The following NUP205 variants were observed in gnomAD, a reference collection of about 807,000 sequenced individuals.
NUP205 encodes the protein nuclear pore complex protein Nup205.
NUP205 carries 76 observed loss-of-function variants against 253.8 expected under a neutral mutation model. The observed-to-expected ratio is 0.30, with a 90% CI of 0.25 to 0.36. NUP205 has a LOEUF of 0.36. Among genes scored for constraint, NUP205 ranks in the 10% least tolerant of loss-of-function variants. The pLI is 1.00. For synonymous variants in NUP205, 832 were observed against 850.1 expected, an observed-to-expected ratio of 0.98 and a Z score of 0.37; for missense variants, 2,162 against 2,425.5, an observed-to-expected ratio of 0.89 and a Z score of 2.28.
intron 22 of NUP205, among the ~76,000 whole-genome samples, chr7:135,609,224 C>T (rs1264598149): frequency 6.6e-6 from 1 of 151,132 alleles, no homozygotes; most frequent in Admixed American, 6.6e-5. Flanking sequence ...ATCAGGAGAT[C>T]AAGACCATCC....
intron 14 of NUP205, 49 bp from the exon 15 acceptor site, chr7:135,597,949 C>A: frequency 7.0e-7 from 1 of 1,427,434 alleles, no homozygotes; most frequent in Non-Finnish European, 9.9e-7. Flanking sequence ...CTCTTCACTT[C>A]ATAGCTAATA....
Position 135,601,397 on chromosome 7 carries a change from C to T in NUP205, c.2402C>T (p.Pro801Leu), listed in dbSNP as rs755524949. Residue 801 changes from proline to leucine, a missense_variant, in exon 17 of 43, where the codon CCT becomes CTT. Physicochemically the swap from Pro to Leu is moderately conservative, Grantham distance 98. This residue lies in a region of NUP205 where 892 missense variants were observed against 957.1 expected (regional missense o/e 0.93). Transcript: ENST00000285968. ...QGEEIIAYKP[P>L]GFSLMYHLLN... is the part of the protein sequence containing the mutation. ...GAAGAAATCATAGCCTATAAGCCAC[C>T]TGGATTTAGTCTGATGTATCATCTG... 2.5e-6 allele frequency: 4 copies of T among 1,613,426 alleles called. No homozygotes were observed. The highest frequency in any genetic ancestry group is 3.4e-6 in the Non-Finnish European group (4 of 1,179,646).
chr7:135,643,097 A>C, intron 38 of NUP205, 95 bp from the exon 39 acceptor site: 2 of 1,203,872 alleles, frequency 1.7e-6, no homozygotes, highest in African/African-American at 1.5e-5. Context: ...CATGTCCTTA[A>C]ATTCTGGGGC....
Position 135,567,119 on chromosome 7 carries a change from T to C in NUP205, c.29-3986T>C, listed in dbSNP as rs1410548576. On this transcript the variant is annotated intron_variant, in intron 1 of 42. Transcript: ENST00000285968. ...TTGGGATTCTGTCTGTCTTGCTCAG[T>C]CTATGTGTGTATATATATATATATA... Among the ~76,000 whole-genome samples, 4 of 5,620 alleles carry C rather than the reference T, an allele frequency of 7.1e-4. No homozygotes were observed. In the East Asian group the frequency reaches 0.014, roughly 20 times the overall value. The allele number at this position is 5,620 out of a possible 152,430, so 3.7% of individuals were successfully genotyped here.
At position 135,626,265 on chromosome 7, in the gene NUP205, T is replaced by C; in HGVS notation, c.4697T>C (p.Ile1566Thr). The change falls in exon 33 of 43, where the codon ATA becomes ACA. Residue 1566 changes from isoleucine (I) to threonine (T), a missense_variant. Around this residue, in one of 5 missense-constraint regions of NUP205, gnomAD observed 1,144 missense variants for 1,280.9 expected, o/e 0.89. Coordinates refer to ENST00000285968, the MANE Select transcript of NUP205 (RefSeq NM_015135.3). ...KMAFLTRVAKIQQGALELLRS... is the reference protein window; with the variant it reads ...KMAFLTRVAKTQQGALELLRS... ...GCATTTCTCACAAGAGTGGCAAAGA[T>C]ACAGCAGGGTGCATTAGAGCTGCTA... is the stretch of plus-strand genomic sequence containing the variant. The C allele has an allele frequency of 6.2e-7, 1 of 1,614,154 alleles. No homozygotes were observed. The highest frequency in any genetic ancestry group is 8.5e-7 in the Non-Finnish European group (1 of 1,180,018).
At position 135,625,218 on chromosome 7, in the gene NUP205, T is replaced by C. The variant is rs1350101958; in HGVS notation, c.4534T>C (p.Trp1512Arg). ...RIVSVDKQQQ[W>R]LLYLSNSGYL... ...TGTCTCCGTGGATAAACAGCAGCAG[T>C]GGCTTTTGTATCTTTCTAACAGTGG... Residue 1512 changes from tryptophan to arginine, a missense_variant, in exon 32 of 43, where the codon TGG (tryptophan) becomes CGG (arginine). By Grantham distance (101) the Trp-to-Arg change is moderately radical. This residue lies in a region of NUP205 where 1,144 missense variants were observed against 1,280.9 expected (regional missense o/e 0.89). Transcript: ENST00000285968. The C allele has an allele frequency of 6.2e-7, 1 of 1,613,970 alleles. No homozygotes were observed. Among genetic ancestry groups the C allele is most frequent in the South Asian group, 1.1e-5 (1 of 91,044 alleles).
rs1170458355 is a variant in NUP205 at position 135,619,902 on chromosome 7, A to G, written c.4330+14A>G. Reference sequence around the variant, plus strand: ...CCTTAGAAGCAGGTAGAATGAGATCAATTCCTAATCTTTTCTGGATTGGGA... The same window carrying G: ...CCTTAGAAGCAGGTAGAATGAGATCGATTCCTAATCTTTTCTGGATTGGGA... On this transcript the variant is annotated intron_variant, in intron 30 of 42. Transcript: ENST00000285968. 6.6e-7 allele frequency: 1 copy of G among 1,512,378 alleles called. No individual in the cohort carries two copies. Among genetic ancestry groups the G allele is most frequent in the Non-Finnish European group, 9.1e-7 (1 of 1,096,160 alleles). The allele number at this position is 1,512,378 out of a possible 1,614,324, so 93.7% of individuals were successfully genotyped here.
At chr7:135,642,892 C>T (rs568372325) in intron 38 of NUP205, among the ~76,000 whole-genome samples, 1 of 144,004 alleles carries the variant, frequency 6.9e-6, no homozygotes, top group African/African-American at 2.7e-5. Flanking sequence ...AAGGTTTATA[C>T]TTTGATAGAG....
Position 135,593,111 on chromosome 7 carries a change from C to T in NUP205, c.1749C>T (p.His583=). The change falls in exon 12 of 43, where the codon CAC becomes CAT. Residue 583 remains histidine, a synonymous_variant. Transcript: ENST00000285968. ...GTGCAGATAGTGTCCAGTACCGTCA[C>T]CTTCCTTCCCGTGGCATCACCCAGA... The part of the protein sequence containing the change: ...LPSADSVQYR[H]LPSRGITQKE... The T allele has an allele frequency of 6.2e-7, 1 of 1,614,126 alleles. No homozygotes were observed. Among genetic ancestry groups the T allele is most frequent in the Non-Finnish European group, 8.5e-7 (1 of 1,179,994 alleles).
Position 135,642,843 on chromosome 7 carries a change from GGTGTGTGTGTGTGT to G in NUP205, c.5393-324_5393-311del, listed in dbSNP as rs57007288. Among the ~76,000 whole-genome samples, 282 of 144,984 alleles carry G rather than the reference GGTGTGTGTGTGTGT, an allele frequency of 1.9e-3. 1 individual carries two copies. Among genetic ancestry groups the G allele is most frequent in the African/African-American group, 5.4e-3 (211 of 38,900 alleles). ...GTGTATATTGTTTTTGATGTGGAGG[GGTGTGTGTGTGTGT>G]GTGTGTGTGTGTGTGTGTGTGTGTA... is the stretch of plus-strand genomic sequence containing the variant. On this transcript the variant is annotated intron_variant, in intron 38 of 42. Coordinates refer to ENST00000285968, the MANE Select transcript of NUP205 (RefSeq NM_015135.3).
At chr7:135,563,365 T>C (rs1805645604) in intron 1 of NUP205, among the ~76,000 whole-genome samples, 1 of 151,950 alleles carries the variant, frequency 6.6e-6, no homozygotes, top group African/African-American at 2.4e-5. Context: ...TTTTTTGTAT[T>C]TTTGGTAGAG....
chr7:135,563,451 G>A lies in NUP205; in HGVS notation c.28+5479G>A, dbSNP rs571658481. On this transcript the variant is annotated intron_variant, in intron 1 of 42. Coordinates refer to ENST00000285968, the MANE Select transcript of NUP205 (RefSeq NM_015135.3). The stretch of plus-strand genomic sequence containing the variant: ...ATGTGGCCCGCCTTGGCCTCTCAAA[G>A]TGGTGGGATTACAGGCGTGAGCCAC... 1.9e-4 allele frequency among the ~76,000 whole-genome samples: 29 copies of A among 152,218 alleles called. No homozygotes were observed. The South Asian group carries it at 5.8e-3, about 30-fold the overall frequency.
intron 7 of NUP205, among the ~76,000 whole-genome samples, chr7:135,584,258 C>T (rs1187247322): frequency 1.3e-5 from 2 of 152,024 alleles, no homozygotes; most frequent in Admixed American, 6.6e-5. Flanking sequence ...AGTATTGAAA[C>T]AGGTGATGGG....
intron 1 of NUP205, among the ~76,000 whole-genome samples, chr7:135,562,525 TTAGAG>T (rs1048344717): frequency 1.3e-5 from 2 of 150,378 alleles, no homozygotes; most frequent in South Asian, 2.1e-4. Context: ...GCTTGATCTT[TTAGAG>T]TAAAGACCAA....
rs768065664 is a variant in NUP205, at chr7:135,587,597, C to G, written c.1241C>G (p.Ala414Gly). 6.2e-7 allele frequency: 1 copy of G among 1,602,420 alleles called. No individual in the cohort carries two copies. The highest frequency in any genetic ancestry group is 1.7e-5 in the Admixed American group (1 of 57,998). ...TAGGTGAAACAGCTGAGGAATCGGG[C>G]AGATGAAGATGCTCGAATGATTCAC... The part of the protein sequence containing the change: ...PMKVKQLRNR[A>G]DEDARMIHMS... The change falls in exon 9 of 43, where the codon GCA becomes GGA. Residue 414 changes from alanine to glycine, a missense_variant. Ala to Gly is a moderately conservative substitution (Grantham distance 60, BLOSUM62 0). Coordinates refer to ENST00000285968, the MANE Select transcript of NUP205 (RefSeq NM_015135.3).
chr7:135,643,533 A>G (rs546486797), intron 39 of NUP205, among the ~76,000 whole-genome samples, 175 bp downstream of exon 39: 1 of 152,226 alleles, frequency 6.6e-6, no homozygotes, highest in East Asian at 1.9e-4. Flanking sequence ...AAGCATAGAA[A>G]CTCTTGACTG....
At chr7:135,572,563 T>G (rs930513065) in intron 2 of NUP205, among the ~76,000 whole-genome samples, 5 of 152,190 alleles carry the variant, frequency 3.3e-5, no homozygotes, top group Non-Finnish European at 5.9e-5. Context: ...ACTTTTCCTT[T>G]GCGTGTATGT....
chr7:135,626,348 A>G lies in NUP205; in HGVS notation c.4780A>G (p.Thr1594Ala), dbSNP rs1359275000. ...QCQVYDMRPE[T>A]DPQSMFGMRD... is the part of the protein sequence containing the mutation. ...CCAAGTCTATGACATGCGCCCAGAA[A>G]CGGACCCGCAGAGGTAAGTGTCTGT... Residue 1594 changes from threonine to alanine, a missense_variant, in exon 33 of 43, where the codon ACG (threonine) becomes GCG (alanine). Around this residue, in one of 5 missense-constraint regions of NUP205, gnomAD observed 1,144 missense variants for 1,280.9 expected, o/e 0.89. Coordinates refer to ENST00000285968, the MANE Select transcript of NUP205 (RefSeq NM_015135.3). 6.2e-7 allele frequency: 1 copy of G among 1,614,112 alleles called. No homozygotes were observed. The highest frequency in any genetic ancestry group is 1.1e-5 in the South Asian group (1 of 91,082).
chr7:135,564,549 G>GT (rs1372051461), intron 1 of NUP205, among the ~76,000 whole-genome samples: 95 of 147,206 alleles, frequency 6.5e-4, no homozygotes, highest in South Asian at 3.5e-3. Context: ...CGCCCGGCCT[G>GT]TTTTTTTTTT....
Sources: gnomAD v4.1 joint callset for allele counts (sites outside exome capture counted in the v4.1 genomes callset) on GRCh38, gnomAD v4.1.1 for gene constraint, gnomAD v4.1.1 regional missense constraint, MANE v1.5 for transcripts, NCBI Gene and HGNC (gene_info 2026-07-23, HGNC 2026-07-21) for gene names.